The following ANO10 variants were observed in gnomAD, a reference collection of about 807,000 sequenced individuals.
ANO10 encodes anoctamin-10.
A neutral mutation model predicts 74.7 loss-of-function variants in ANO10; 77 were observed. The ratio of observed to expected loss-of-function variants is 1.03; its 90% CI spans 0.86 to 1.25. The LOEUF is 1.25. ANO10 is among the 50% of genes most tolerant of loss of function. The pLI is 0.00. For synonymous variants in ANO10, 279 were observed against 284.9 expected (o/e 0.98, Z 0.21); for missense variants, 721 against 778.1 (o/e 0.93, Z 0.87).
intron 4 of ANO10, among the ~76,000 whole-genome samples, chr3:43,591,307 G>A (rs2081740975): frequency 6.6e-6 from 1 of 152,150 alleles, no homozygotes; most frequent in South Asian, 2.1e-4. Context: ...CTCCCAATTG[G>A]GCTAGAAGCT....
intron 4 of ANO10, among the ~76,000 whole-genome samples, chr3:43,588,247 G>C (rs2081567844): frequency 6.6e-6 from 1 of 152,008 alleles, no homozygotes; most frequent in Non-Finnish European, 1.5e-5. Context: ...AGTAATTACG[G>C]TAATGTTATT....
intron 12 of ANO10, among the ~76,000 whole-genome samples, chr3:43,391,559 A>C (rs746092798): frequency 6.6e-6 from 1 of 152,140 alleles, no homozygotes; most frequent in Non-Finnish European, 1.5e-5. Flanking sequence ...GATTGCACCT[A>C]GTGACTCATT....
chr3:43,506,656 C>T (rs745933146), intron 11 of ANO10, among the ~76,000 whole-genome samples: 1 of 152,152 alleles, frequency 6.6e-6, no homozygotes. Flanking sequence ...TCCTTAATAG[C>T]CCAGGCCCAC....
chr3:43,628,170 G>A (rs1185169289), intron 1 of ANO10, among the ~76,000 whole-genome samples: 1 of 152,210 alleles, frequency 6.6e-6, no homozygotes, highest in African/African-American at 2.4e-5. Flanking sequence ...AGGAGGTGTT[G>A]CGGGAAGTCA....
chr3:43,536,648 T>G (rs957640600), intron 11 of ANO10, among the ~76,000 whole-genome samples: 28 of 152,292 alleles, frequency 1.8e-4, no homozygotes, highest in African/African-American at 6.0e-4. Context: ...CCCTCTTCTT[T>G]TGTTCCTTTC....
At chr3:43,688,933 G>A (rs2084312164) in intron 1 of ANO10, among the ~76,000 whole-genome samples, 1 of 152,054 alleles carries the variant, frequency 6.6e-6, no homozygotes, top group East Asian at 1.9e-4. Context: ...TACAGGTGCT[G>A]GTATCAGCTT....
chr3:43,454,024 A>T (rs2075012459), intron 11 of ANO10, among the ~76,000 whole-genome samples: 1 of 152,258 alleles, frequency 6.6e-6, no homozygotes, highest in Non-Finnish European at 1.5e-5. Flanking sequence ...GAAACAAAGA[A>T]GAGGAAGTTT....
intron 11 of ANO10, among the ~76,000 whole-genome samples, chr3:43,437,172 C>G (rs981802868): frequency 1.3e-5 from 2 of 152,180 alleles, no homozygotes; most frequent in African/African-American, 4.8e-5. Flanking sequence ...CTTCTTCTAC[C>G]TCCCAAAGGT....
chr3:43,676,860 T>C (rs1234888389), intron 1 of ANO10, among the ~76,000 whole-genome samples: 1 of 152,118 alleles, frequency 6.6e-6, no homozygotes, highest in Non-Finnish European at 1.5e-5. Context: ...TACTTCCCGC[T>C]TTCTAAGTAC....
intron 12 of ANO10, among the ~76,000 whole-genome samples, chr3:43,431,855 T>C (rs911721043): frequency 6.6e-6 from 1 of 152,040 alleles, no homozygotes; most frequent in East Asian, 1.9e-4. Flanking sequence ...TCACGTTCTT[T>C]TTTTCTCCCC....
At chr3:43,531,149 G>T (rs1279657553) in intron 11 of ANO10, among the ~76,000 whole-genome samples, 1 of 152,154 alleles carries the variant, frequency 6.6e-6, no homozygotes, top group African/African-American at 2.4e-5. Flanking sequence ...TAACTTTCAA[G>T]TATGTCTACA....
Position 43,580,463 on chromosome 3 carries a change from A to C in ANO10, c.482T>G (p.Leu161Trp), listed in dbSNP as rs1437434032. 1 of 1,613,678 alleles carries C rather than the reference A, an allele frequency of 6.2e-7. No homozygotes were observed. Among genetic ancestry groups the C allele is most frequent in the Non-Finnish European group, 8.5e-7 (1 of 1,179,972 alleles). The change falls in exon 5 of 13, where the codon TTG becomes TGG. Residue 161 changes from leucine (L) to tryptophan (W), a missense_variant. Physicochemically the swap from Leu to Trp is moderately conservative, Grantham distance 61. Coordinates refer to ENST00000292246, the MANE Select transcript of ANO10 (RefSeq NM_018075.5). ...LYPGKSLLRR[L>W]LTSGIVIQVF... Reference sequence around the variant, plus strand: ...CTGAATCACGATGCCAGACGTGAGCAATCTTCTCACTGCACAGGGAAAATG... The same window carrying C: ...CTGAATCACGATGCCAGACGTGAGCCATCTTCTCACTGCACAGGGAAAATG...
At chr3:43,585,427 T>G (rs897719438) in intron 4 of ANO10, among the ~76,000 whole-genome samples, 3 of 152,234 alleles carry the variant, frequency 2.0e-5, no homozygotes, top group African/African-American at 7.2e-5. Context: ...TATTATTGCT[T>G]CAGGATACCA....
At chr3:43,521,200 G>C (rs1316447692) in intron 11 of ANO10, among the ~76,000 whole-genome samples, 2 of 152,172 alleles carry the variant, frequency 1.3e-5, no homozygotes, top group Admixed American at 1.3e-4. Flanking sequence ...CTGGTAAGTG[G>C]TAAGGGGAGG....
intron 5 of ANO10, among the ~76,000 whole-genome samples, chr3:43,579,579 C>G (rs2081173508): frequency 6.6e-6 from 1 of 152,070 alleles, no homozygotes; most frequent in South Asian, 2.1e-4. Flanking sequence ...ATTAGCCAGG[C>G]ATGGTGGCAC....
intron 1 of ANO10, among the ~76,000 whole-genome samples, chr3:43,612,185 T>TGC (rs2082867879): frequency 5.9e-5 from 6 of 100,938 alleles, no homozygotes; most frequent in South Asian, 6.4e-4. Context: ...TATATATATA[T>TGC]GCCCAAGAAA....
chr3:43,686,563 G>A (rs542761469), intron 1 of ANO10, among the ~76,000 whole-genome samples: 2 of 152,218 alleles, frequency 1.3e-5, no homozygotes, highest in Middle Eastern at 3.2e-3. Context: ...TAGGATGACA[G>A]GCGTGAGTCA....
In ANO10 at chr3:43,577,110, C is replaced by G; in HGVS notation, c.744G>C (p.Ser248=). The change falls in exon 6 of 13, where the codon TCG becomes TCC. Residue 248 remains serine (S), a synonymous_variant. Transcript: ENST00000292246. The stretch of plus-strand genomic sequence containing the variant: ...TCACCGTGGACCAGATGAGGTTGAA[C>G]GAGGCAAAGATCACGTACTTGTCAT... ...EDYDKYVIFA[S]FNLIWSTVIL... is the part of the protein sequence containing the mutation. The G allele has an allele frequency of 6.2e-7, 1 of 1,614,126 alleles. No homozygotes were observed. The highest frequency in any genetic ancestry group is 8.5e-7 in the Non-Finnish European group (1 of 1,180,024).
intron 11 of ANO10, among the ~76,000 whole-genome samples, chr3:43,495,348 A>G (rs1050677779): frequency 6.6e-6 from 1 of 152,202 alleles, no homozygotes; most frequent in East Asian, 1.9e-4. Flanking sequence ...GCAAGACAAG[A>G]CACCAGGAGA....
Sources: gnomAD v4.1 joint callset for allele counts (sites outside exome capture counted in the v4.1 genomes callset) on GRCh38, gnomAD v4.1.1 for gene constraint, MANE v1.5 for transcripts, NCBI Gene and HGNC (gene_info 2026-07-23, HGNC 2026-07-21) for gene names.